CRMP1: variants seen among roughly 807,000 people sequenced by gnomAD.
CRMP1 encodes the protein dihydropyrimidinase-related protein 1.
CRMP1 carries 19 observed loss-of-function variants against 68.3 expected under a neutral mutation model. The observed-to-expected ratio is 0.28, with a 90% CI of 0.19 to 0.41. CRMP1 has a LOEUF of 0.41. Ranked by LOEUF, CRMP1 falls within the 10% of genes least tolerant of loss-of-function variation. The pLI, the probability that CRMP1 is intolerant of heterozygous loss-of-function variation, is 1.00. For missense variants in CRMP1, 791 were observed against 967.4 expected, an observed-to-expected ratio of 0.82 and a Z score of 2.42; for synonymous variants, 439 against 399.6, an observed-to-expected ratio of 1.10 and a Z score of -1.18.
chr4:5,888,237 C>G lies in CRMP1; in HGVS notation c.381+4352G>C, dbSNP rs779487802. The G allele has an allele frequency of 3.1e-6, 4 of 1,284,894 alleles. No homozygotes were observed. In the Admixed American group the frequency reaches 1.5e-4, roughly 47 times the overall value. 79.6% of individuals were successfully genotyped at this position (1,284,894 alleles called of 1,614,324 possible). ...GGCGGGGGCCGCTTACCGTGATGTGCGGGATGCTCTTCTTGCCCTGGTACG... is the reference window on the plus strand; with the variant it reads ...GGCGGGGGCCGCTTACCGTGATGTGGGGGATGCTCTTCTTGCCCTGGTACG... On this transcript the variant is annotated intron_variant, in intron 1 of 13. Coordinates refer to ENST00000324989, the MANE Select transcript of CRMP1 (RefSeq NM_001014809.3). The surrounding 1 kb of genome is among the most constrained non-coding windows in gnomAD (Gnocchi z 6.4).
Position 5,841,312 on chromosome 4 carries a change from C to A in CRMP1, c.1149G>T (p.Lys383Asn). Reference protein sequence around the residue: ...SAADIIALARKKGPLVFGEPI... With the variant: ...SAADIIALARNKGPLVFGEPI... ...GGCCCAGGGCCGGCTGCATACCTTTCTTCCTGGCCAGAGCGATGATGTCGG... is the reference window on the plus strand; with the variant it reads ...GGCCCAGGGCCGGCTGCATACCTTTATTCCTGGCCAGAGCGATGATGTCGG... The change falls in exon 8 of 14, where the codon AAG becomes AAT. Residue 383 changes from lysine to asparagine, a missense_variant. Physicochemically the swap from Lys to Asn is moderately conservative, Grantham distance 94 (BLOSUM62 0). This residue lies in a region of CRMP1 where 594 missense variants were observed against 763.6 expected (regional missense o/e 0.78). Coordinates refer to ENST00000324989, the MANE Select transcript of CRMP1 (RefSeq NM_001014809.3). The surrounding 1 kb of genome is among the most constrained non-coding windows in gnomAD (Gnocchi z 6.9). 1 of 1,613,918 alleles carries A rather than the reference C, an allele frequency of 6.2e-7. No individual in the cohort carries two copies. Among genetic ancestry groups the A allele is most frequent in the Non-Finnish European group, 8.5e-7 (1 of 1,179,982 alleles).
At chr4:5,874,090 G>A (rs899947372) in intron 1 of CRMP1, among the ~76,000 whole-genome samples, 1 of 152,162 alleles carries the variant, frequency 6.6e-6, no homozygotes, top group East Asian at 1.9e-4. Flanking sequence ...GGTATCAAAG[G>A]CCTTAACAAT....
intron 9 of CRMP1, 120 bp from the exon 10 acceptor site, chr4:5,837,026 G>C: frequency 8.6e-7 from 1 of 1,161,512 alleles, no homozygotes; most frequent in South Asian, 1.5e-5. Flanking sequence ...GAAGCCAGTG[G>C]GTAAGAGAGA....
chr4:5,831,742 C>G (rs1484251242), intron 11 of CRMP1, among the ~76,000 whole-genome samples: 1 of 152,138 alleles, frequency 6.6e-6, no homozygotes, highest in Non-Finnish European at 1.5e-5. Context: ...AATGCCACAC[C>G]CTGCATTTCA....
rs933789105 is a variant in CRMP1, at chr4:5,881,591, G to A, written c.381+10998C>T. ...ACCATGTTCTTTTATATGCTCTCAC[G>A]GCAAAGTCCTCCGGTGTTCCTCTTC... On this transcript the variant is annotated intron_variant, in intron 1 of 13. Transcript: ENST00000324989. The surrounding 1 kb of genome is among the most constrained non-coding windows in gnomAD (Gnocchi z 4.6). 1.3e-5 allele frequency among the ~76,000 whole-genome samples: 2 copies of A among 151,970 alleles called. No individual in the cohort carries two copies. The highest frequency in any genetic ancestry group is 2.9e-5 in the Non-Finnish European group (2 of 68,002).
At position 5,841,348 on chromosome 4, in the gene CRMP1, G is replaced by T; in HGVS notation, c.1113C>A (p.Ser371Arg). 1 of 1,614,048 alleles carries T rather than the reference G, an allele frequency of 6.2e-7. No homozygotes were observed. The highest frequency in any genetic ancestry group is 8.5e-7 in the Non-Finnish European group (1 of 1,180,020). Residue 371 changes from serine to arginine, a missense_variant, in exon 8 of 14, where the codon AGC becomes AGA. Around this residue, in one of 3 missense-constraint regions of CRMP1, gnomAD observed 594 missense variants for 763.6 expected, o/e 0.78. Transcript: ENST00000324989. The surrounding 1 kb of genome is among the most constrained non-coding windows in gnomAD (Gnocchi z 6.9). ...NCPVYITKVM[S>R]KSAADIIALA... is the part of the protein sequence containing the mutation. ...GAGCGATGATGTCGGCTGCACTCTT[G>T]CTCATGACCTTGGTGATGTACACAG...
At chr4:5,863,146 T>C (rs1230889857) in intron 2 of CRMP1, among the ~76,000 whole-genome samples, 2 of 147,248 alleles carry the variant, frequency 1.4e-5, no homozygotes, top group African/African-American at 4.9e-5. Context: ...AACAGGACAT[T>C]TCCTGAACAG....
chr4:5,861,850 A>T lies in CRMP1; in HGVS notation c.471-640T>A, dbSNP rs140929142. Among the ~76,000 whole-genome samples the T allele has an allele frequency of 3.9e-5, 6 of 152,166 alleles. No homozygotes were observed. Among genetic ancestry groups the T allele is most frequent in the East Asian group, 1.9e-4 (1 of 5,184 alleles). ...TCTGACTGTGGGTGATTTTTATTCT[A>T]AAAAAAATCCAATTGTTGTGAACGC... On this transcript the variant is annotated intron_variant, in intron 2 of 13. Coordinates refer to ENST00000324989, the MANE Select transcript of CRMP1 (RefSeq NM_001014809.3). This position sits in a 1 kb window ranked among gnomAD's most constrained non-coding sequence, Gnocchi z 6.0.
In CRMP1 at chr4:5,888,262, G is replaced by C. The variant is rs966152617; in HGVS notation, c.381+4327C>G. On this transcript the variant is annotated intron_variant, in intron 1 of 13. Coordinates refer to ENST00000324989, the MANE Select transcript of CRMP1 (RefSeq NM_001014809.3). The surrounding 1 kb of genome is among the most constrained non-coding windows in gnomAD (Gnocchi z 6.4). Reference sequence around the variant, plus strand: ...CGGGATGCTCTTCTTGCCCTGGTACGACATGGCCCCCTCTGGCGCCCTCGG... The same window carrying C: ...CGGGATGCTCTTCTTGCCCTGGTACCACATGGCCCCCTCTGGCGCCCTCGG... 5 of 1,282,194 alleles carry C rather than the reference G, an allele frequency of 3.9e-6. No individual in the cohort carries two copies. The highest frequency in any genetic ancestry group is 5.0e-6 in the Non-Finnish European group (5 of 1,007,638). 79.4% of individuals were successfully genotyped at this position (1,282,194 alleles called of 1,614,324 possible).
At chr4:5,862,111 A>G (rs117751072) in intron 2 of CRMP1, among the ~76,000 whole-genome samples, 2 of 152,254 alleles carry the variant, frequency 1.3e-5, no homozygotes, top group East Asian at 3.9e-4. Flanking sequence ...TAACCCAGGA[A>G]ATAAGCCTAG....
Position 5,868,252 on chromosome 4 carries a change from ACTATATAT to A in CRMP1, c.382-1504_382-1497del, listed in dbSNP as rs1291514724. 8.6e-3 allele frequency among the ~76,000 whole-genome samples: 881 copies of A among 102,310 alleles called. 6 individuals are homozygous for A. Among genetic ancestry groups the A allele is most frequent in the Middle Eastern group, 0.015 (3 of 196 alleles). The allele number at this position is 102,310 out of a possible 152,430, so 67.1% of individuals were successfully genotyped here. A position where few individuals can be genotyped will look rare whatever the true frequency, so the allele number is the denominator to read the frequency against. On this transcript the variant is annotated intron_variant, in intron 1 of 13. Coordinates refer to ENST00000324989, the MANE Select transcript of CRMP1 (RefSeq NM_001014809.3). ...CCCAACTTGCCGCACATTCTTCATG[ACTATATAT>A]CTATATATATATATATATATATATA...
Position 5,861,789 on chromosome 4 carries a change from A to C in CRMP1, c.471-579T>G, listed in dbSNP as rs1299345681. 6.6e-6 allele frequency among the ~76,000 whole-genome samples: 1 copy of C among 152,210 alleles called. No homozygotes were observed. Among genetic ancestry groups the C allele is most frequent in the Admixed American group, 6.5e-5 (1 of 15,282 alleles). On this transcript the variant is annotated intron_variant, in intron 2 of 13. Transcript: ENST00000324989. This position sits in a 1 kb window ranked among gnomAD's most constrained non-coding sequence, Gnocchi z 6.0. ...GCCAGAACCAGGAAAGGAACCCTGC[A>C]GCATCCAAGGTTAAGGTCTGGCTCA...
rs1719484402 is a variant in CRMP1 at position 5,825,815 on chromosome 4, TCA to T, written c.1804-158_1804-157del. 1.4e-6 allele frequency: 1 copy of T among 693,530 alleles called. No individual in the cohort carries two copies. Among genetic ancestry groups the T allele is most frequent in the African/African-American group, 1.9e-5 (1 of 53,380 alleles). The allele number at this position is 693,530 out of a possible 1,614,324, so 43.0% of individuals were successfully genotyped here. ...AACACGCACACACGACAGGTGCACT[TCA>T]CACACATGCAGCCGCACACAGGCAT... On this transcript the variant is annotated intron_variant, in intron 12 of 13. Coordinates refer to ENST00000324989, the MANE Select transcript of CRMP1 (RefSeq NM_001014809.3). This position sits in a 1 kb window ranked among gnomAD's most constrained non-coding sequence, Gnocchi z 4.4.
chr4:5,860,257 G>C lies in CRMP1; in HGVS notation c.655+769C>G, dbSNP rs951894571. ...GAGGAGATGAGGCAGTGAGAAGAAA[G>C]GCAAGTTTCGGCCAGAACCCCCTGC... On this transcript the variant is annotated intron_variant, in intron 3 of 13. Transcript: ENST00000324989. This position sits in a 1 kb window ranked among gnomAD's most constrained non-coding sequence, Gnocchi z 4.2. Among the ~76,000 whole-genome samples the C allele has an allele frequency of 6.6e-6, 1 of 152,160 alleles. No individual in the cohort carries two copies. Among genetic ancestry groups the C allele is most frequent in the African/African-American group, 2.4e-5 (1 of 41,432 alleles).
At position 5,836,862 on chromosome 4, in the gene CRMP1, G is replaced by C; in HGVS notation, c.1355C>G (p.Thr452Ser). 5.6e-6 allele frequency: 9 copies of C among 1,614,052 alleles called. No homozygotes were observed. Among genetic ancestry groups the C allele is most frequent in the African/African-American group, 2.7e-5 (2 of 75,050 alleles). The stretch of plus-strand genomic sequence containing the variant: ...GTCCTTGCCCACCGCCTTCTGGGCA[G>C]TGCTGTAGGGACAGTGGCCGCTGCC... ...VTGSGHCPYS[T>S]AQKAVGKDNF... Residue 452 changes from threonine to serine, a missense_variant, in exon 10 of 14, where the codon ACT (threonine) becomes AGT (serine). Around this residue, in one of 3 missense-constraint regions of CRMP1, gnomAD observed 594 missense variants for 763.6 expected, o/e 0.78. Coordinates refer to ENST00000324989, the MANE Select transcript of CRMP1 (RefSeq NM_001014809.3).
At chr4:5,826,639 T>C (rs1719669345) in intron 12 of CRMP1, 1 of 151,868 alleles carries the variant, frequency 6.6e-6, no homozygotes, top group Non-Finnish European at 1.5e-5. Context: ...ATGGCCAAGG[T>C]TGGGAGGGCA....
At position 5,879,562 on chromosome 4, in the gene CRMP1, A is replaced by T. The variant is rs116284978; in HGVS notation, c.382-12806T>A. Among the ~76,000 whole-genome samples, 518 of 152,312 alleles carry T rather than the reference A, an allele frequency of 3.4e-3. 4 individuals carry two copies. Among genetic ancestry groups the T allele is most frequent in the African/African-American group, 0.012 (498 of 41,554 alleles). On this transcript the variant is annotated intron_variant, in intron 1 of 13. Coordinates refer to ENST00000324989, the MANE Select transcript of CRMP1 (RefSeq NM_001014809.3). This position sits in a 1 kb window ranked among gnomAD's most constrained non-coding sequence, Gnocchi z 4.2. ...TGTTGGCTTCAGTTTCCTCATCTAT[A>T]AATGGAACCCATCAAAATACCTACC... is the stretch of plus-strand genomic sequence containing the variant.
chr4:5,862,217 C>G (rs1225014110), intron 2 of CRMP1, among the ~76,000 whole-genome samples: 1 of 152,164 alleles, frequency 6.6e-6, no homozygotes, highest in East Asian at 1.9e-4. Flanking sequence ...TTTTAATAAC[C>G]AATCCCTTAT....
chr4:5,869,681 C>CAAAAAAAAAA (rs33973891), intron 1 of CRMP1, among the ~76,000 whole-genome samples: 2 of 92,930 alleles, frequency 2.2e-5, no homozygotes, highest in Admixed American at 1.3e-4. Context: ...AAGACTCCGT[C>CAAAAAAAAAA]AAAAAAAAAA....
Sources: gnomAD v4.1 joint callset for allele counts (sites outside exome capture counted in the v4.1 genomes callset) on GRCh38, gnomAD v4.1.1 for gene constraint, gnomAD v4.1.1 regional missense constraint, Gnocchi (gnomAD v3.1) non-coding constraint, MANE v1.5 for transcripts, NCBI Gene and HGNC (gene_info 2026-07-23, HGNC 2026-07-21) for gene names.